Variants in GNA14 observed in about 807,000 individuals in gnomAD.
GNA14 encodes the protein guanine nucleotide-binding protein subunit alpha-14.
A neutral mutation model predicts 42.0 loss-of-function variants in GNA14; 50 were observed. The ratio of observed to expected loss-of-function variants is 1.19; its 90% confidence interval spans 0.95 to 1.51. GNA14 has a LOEUF of 1.51. GNA14 is among the 40% of genes most tolerant of loss of function. The pLI is 0.00. For missense variants in GNA14, 473 were observed against 446.2 expected, an observed-to-expected ratio of 1.06 and a Z score of -0.54; for synonymous variants, 173 against 163.1, an observed-to-expected ratio of 1.06 and a Z score of -0.46.
At chr9:77,568,942 G>C (rs2131794853) in intron 1 of GNA14, among the ~76,000 whole-genome samples, 3 of 152,324 alleles carry the variant, frequency 2.0e-5, no homozygotes, top group Middle Eastern at 6.8e-3. Flanking sequence ...TGCCACGTCT[G>C]AGATCAGCAG....
In GNA14 at chr9:77,466,806, G is replaced by A. The variant is rs957731898; in HGVS notation, c.310-32284C>T. On this transcript the variant is annotated intron_variant, in intron 2 of 6. Transcript: ENST00000341700. The stretch of plus-strand genomic sequence containing the variant: ...TTGTTGTTTGGTCATTTGTTTGTTC[G>A]TTTAGGGACTCTGTGTGACTAACTC... Among the ~76,000 whole-genome samples, 38 of 152,102 alleles carry A rather than the reference G, an allele frequency of 2.5e-4. 1 individual carries two copies. Among genetic ancestry groups the A allele is most frequent in the South Asian group, 4.2e-4 (2 of 4,814 alleles).
intron 1 of GNA14, among the ~76,000 whole-genome samples, chr9:77,563,704 G>T (rs1822920580): frequency 1.3e-5 from 2 of 152,030 alleles, no homozygotes; most frequent in Admixed American, 6.6e-5. Flanking sequence ...CAGTTCAATT[G>T]AAGTGTTGCT....
At chr9:77,516,433 G>A (rs963326497) in intron 2 of GNA14, among the ~76,000 whole-genome samples, 5 of 152,104 alleles carry the variant, frequency 3.3e-5, no homozygotes, top group Non-Finnish European at 7.4e-5. Flanking sequence ...CATAATCAAA[G>A]TAACACAGGT....
At chr9:77,461,177 C>A (rs1028985668) in intron 2 of GNA14, among the ~76,000 whole-genome samples, 1 of 152,160 alleles carries the variant, frequency 6.6e-6, no homozygotes, top group African/African-American at 2.4e-5. Flanking sequence ...GGGTGGCATC[C>A]GCGCTGTGAG....
intron 1 of GNA14, among the ~76,000 whole-genome samples, chr9:77,536,261 G>A (rs143413685): frequency 1.3e-5 from 2 of 152,284 alleles, no homozygotes; most frequent in African/African-American, 2.4e-5. Context: ...ACTAAGTGAC[G>A]AGGCTCAATA....
chr9:77,524,227 G>A (rs184571187), intron 2 of GNA14, among the ~76,000 whole-genome samples: 4 of 152,260 alleles, frequency 2.6e-5, no homozygotes, highest in African/African-American at 9.6e-5. Context: ...CTTCAAGGCT[G>A]TATCTTAATT....
At chr9:77,461,077 C>A (rs1292188623) in intron 2 of GNA14, among the ~76,000 whole-genome samples, 1 of 152,240 alleles carries the variant, frequency 6.6e-6, no homozygotes, top group Admixed American at 6.5e-5. Flanking sequence ...AGCCTTCACT[C>A]ATGCTGATCA....
At chr9:77,524,484 C>T (rs377337132) in intron 2 of GNA14, among the ~76,000 whole-genome samples, 12 of 152,232 alleles carry the variant, frequency 7.9e-5, no homozygotes, top group African/African-American at 2.9e-4. Flanking sequence ...GAAATAAATA[C>T]TCAGCAATAA....
intron 2 of GNA14, among the ~76,000 whole-genome samples, chr9:77,522,737 T>C (rs1011071959): frequency 3.9e-5 from 6 of 152,174 alleles, no homozygotes; most frequent in Non-Finnish European, 5.9e-5. Flanking sequence ...GTGGGGGTGA[T>C]ACTCTTGGCA....
chr9:77,444,146 C>A (rs1835777831), intron 2 of GNA14, among the ~76,000 whole-genome samples: 1 of 152,162 alleles, frequency 6.6e-6, no homozygotes, highest in African/African-American at 2.4e-5. Context: ...CTGACGTTTC[C>A]CAGAATGCCC....
intron 1 of GNA14, among the ~76,000 whole-genome samples, chr9:77,555,374 GCATGGGC>G (rs1822758686): frequency 6.6e-6 from 1 of 152,098 alleles, no homozygotes; most frequent in South Asian, 2.1e-4. Context: ...GGGCGTGGTG[GCATGGGC>G]CATTCCCAGC....
intron 2 of GNA14, among the ~76,000 whole-genome samples, chr9:77,482,670 T>C (rs528346453): frequency 1.1e-3 from 172 of 152,262 alleles, no homozygotes; most frequent in African/African-American, 3.8e-3. Flanking sequence ...GGTTCCATTC[T>C]CCCTGTCACT....
chr9:77,557,759 G>A (rs1376459959), intron 1 of GNA14, among the ~76,000 whole-genome samples: 2 of 152,156 alleles, frequency 1.3e-5, no homozygotes, highest in African/African-American at 4.8e-5. Context: ...TAGCATTCAT[G>A]ACTAGACAAT....
At chr9:77,616,315 T>A (rs1231957943) in intron 1 of GNA14, among the ~76,000 whole-genome samples, 1 of 152,222 alleles carries the variant, frequency 6.6e-6, no homozygotes, top group Non-Finnish European at 1.5e-5. Flanking sequence ...CCATTGGTGA[T>A]ACTCAAAAGA....
At chr9:77,484,783 G>A (rs1247331597) in intron 2 of GNA14, among the ~76,000 whole-genome samples, 2 of 152,044 alleles carry the variant, frequency 1.3e-5, no homozygotes, top group East Asian at 3.8e-4. Flanking sequence ...AATAAAATGA[G>A]TCACACAAAT....
At chr9:77,472,588 A>G (rs1836350226) in intron 2 of GNA14, among the ~76,000 whole-genome samples, 1 of 152,206 alleles carries the variant, frequency 6.6e-6, no homozygotes, top group Non-Finnish European at 1.5e-5. Flanking sequence ...CACAGGATAC[A>G]AGATCAATGT....
At chr9:77,617,036 A>AT (rs1278228083) in intron 1 of GNA14, among the ~76,000 whole-genome samples, 1 of 151,546 alleles carries the variant, frequency 6.6e-6, no homozygotes, top group Non-Finnish European at 1.5e-5. Context: ...CGACCGGTTA[A>AT]TTTTTTTGTA....
intron 1 of GNA14, among the ~76,000 whole-genome samples, chr9:77,543,321 G>A (rs1371579636): frequency 6.6e-6 from 1 of 152,194 alleles, no homozygotes. Flanking sequence ...TCACGTCTTA[G>A]TCCCACAACA....
Position 77,448,285 on chromosome 9 carries a change from C to T in GNA14, c.310-13763G>A, listed in dbSNP as rs189427935. 4.6e-5 allele frequency among the ~76,000 whole-genome samples: 7 copies of T among 152,296 alleles called. No individual in the cohort carries two copies. In the South Asian group the frequency reaches 6.2e-4, roughly 14 times the overall value. Reference sequence around the variant, plus strand: ...CCCAACTCATGATGGTTTGACTGAACGATTTTCTGACTTACGATGGTGTGA... The same window carrying T: ...CCCAACTCATGATGGTTTGACTGAATGATTTTCTGACTTACGATGGTGTGA... On this transcript the variant is annotated intron_variant, in intron 2 of 6. Transcript: ENST00000341700.
Sources: gnomAD v4.1 joint callset for allele counts (sites outside exome capture counted in the v4.1 genomes callset) on GRCh38, gnomAD v4.1.1 for gene constraint, MANE v1.5 for transcripts, NCBI Gene and HGNC (gene_info 2026-07-23, HGNC 2026-07-21) for gene names.